The following TUT7 variants were observed in gnomAD, a reference collection of about 807,000 sequenced individuals.
TUT7 encodes terminal uridylyl transferase 7, also known as terminal uridylyltransferase 7.
In TUT7, 33 loss-of-function variants were observed where a neutral mutation model predicts 165.9. That is an observed-to-expected ratio of 0.20 (90% CI 0.15 to 0.27). The LOEUF (loss-of-function observed/expected upper bound fraction) is 0.27, where lower values mean the gene tolerates loss of function less well. Among genes scored for constraint, TUT7 ranks in the 10% least tolerant of loss-of-function variants. The pLI, the probability that TUT7 is intolerant of heterozygous loss-of-function variation, is 1.00. For synonymous variants in TUT7, 552 were observed against 608.1 expected, an observed-to-expected ratio of 0.91 and a Z score of 1.36; for missense variants, 1,338 against 1,762.3, an observed-to-expected ratio of 0.76 and a Z score of 4.31.
chr9:86,327,678 G>GA (rs1829917362), intron 11 of TUT7, among the ~76,000 whole-genome samples: 1 of 152,204 alleles, frequency 6.6e-6, no homozygotes, highest in African/African-American at 2.4e-5. Context: ...AACACAACTG[G>GA]AAAATCTGAT....
At position 86,301,282 on chromosome 9, in the gene TUT7, A is replaced by G; in HGVS notation, c.4414T>C (p.Ser1472Pro). The change falls in exon 26 of 27, where the codon TCT becomes CCT. Residue 1472 changes from serine (S) to proline (P), a missense_variant. Ser to Pro is a moderately conservative substitution (Grantham distance 74, BLOSUM62 -1). This residue lies in a region of TUT7 where 167 missense variants were observed against 204.9 expected (regional missense o/e 0.82). Coordinates refer to ENST00000375963, the MANE Select transcript of TUT7 (RefSeq NM_024617.4). Reference protein sequence around the residue: ...IKKECPQFKGSSGSLSSKYMT... With the variant: ...IKKECPQFKGPSGSLSSKYMT... Reference sequence around the variant, plus strand: ...GTGTGATAGGTGTCCATACCTGAAGAGCCTTTAAACTGTGGGCATTCCTTT... The same window carrying G: ...GTGTGATAGGTGTCCATACCTGAAGGGCCTTTAAACTGTGGGCATTCCTTT... 6.2e-7 allele frequency: 1 copy of G among 1,613,246 alleles called. No homozygotes were observed. Among genetic ancestry groups the G allele is most frequent in the Non-Finnish European group, 8.5e-7 (1 of 1,179,566 alleles).
intron 17 of TUT7, among the ~76,000 whole-genome samples, chr9:86,315,723 CAAAGA>C (rs1353780750): frequency 1.3e-5 from 2 of 150,966 alleles, no homozygotes; most frequent in Admixed American, 1.3e-4. Context: ...CTTCAATGAC[CAAAGA>C]AAAGTATATC....
chr9:86,323,789 G>T lies in TUT7; in HGVS notation c.1961C>A (p.Ser654Tyr). 1 of 1,613,902 alleles carries T rather than the reference G, an allele frequency of 6.2e-7. No homozygotes were observed. The highest frequency in any genetic ancestry group is 2.2e-5 in the East Asian group (1 of 44,884). Residue 654 changes from serine to tyrosine, a missense_variant, in exon 13 of 27, where the codon TCT becomes TAT. By Grantham distance (144) the Ser-to-Tyr change is moderately radical (BLOSUM62 -2). Coordinates refer to ENST00000375963, the MANE Select transcript of TUT7 (RefSeq NM_024617.4). Reference protein sequence around the residue: ...LNAITCISEHSKEVINHHPDV... With the variant: ...LNAITCISEHYKEVINHHPDV... ...TGGATGATGATTTATTACTTCTTTA[G>T]AATGTTCTGAAATACATGTAATTGC...
At chr9:86,334,150 C>T (rs772819779) in intron 10 of TUT7, among the ~76,000 whole-genome samples, 1 of 152,046 alleles carries the variant, frequency 6.6e-6, no homozygotes, top group African/African-American at 2.4e-5. Context: ...GAGCTAGGTA[C>T]CTCCCTTCCC....
At chr9:86,307,145 G>A (rs1366274404) in intron 22 of TUT7, among the ~76,000 whole-genome samples, 1 of 151,890 alleles carries the variant, frequency 6.6e-6, no homozygotes, top group Non-Finnish European at 1.5e-5. Flanking sequence ...TGGTGGCACG[G>A]CACCTGTAAT....
intron 26 of TUT7, 134 bp downstream of exon 26, chr9:86,301,142 T>C (rs1035759123): frequency 5.9e-6 from 5 of 844,046 alleles, no homozygotes; most frequent in East Asian, 2.7e-5. Flanking sequence ...GATTTTACTT[T>C]CTTAAAAACA....
intron 26 of TUT7, 82 bp from the exon 27 acceptor site, chr9:86,288,826 TAAG>T (rs1564015337): frequency 2.7e-6 from 3 of 1,108,620 alleles, no homozygotes; most frequent in Admixed American, 2.3e-5. Context: ...TACTTCTTAT[TAAG>T]TAGTCACAAA....
At chr9:86,293,640 C>T (rs1051156235) in intron 26 of TUT7, among the ~76,000 whole-genome samples, 1 of 152,222 alleles carries the variant, frequency 6.6e-6, no homozygotes, top group African/African-American at 2.4e-5. Flanking sequence ...ATTGGCATCA[C>T]TGTCAAAATG....
intron 17 of TUT7, 97 bp downstream of exon 17, chr9:86,317,122 G>C: frequency 2.0e-6 from 2 of 1,019,374 alleles, no homozygotes; most frequent in Non-Finnish European, 3.0e-6. Flanking sequence ...GGTGATGGGT[G>C]GGCCTGGAAC....
chr9:86,302,987 T>G, intron 25 of TUT7, 99 bp downstream of exon 25: 1 of 573,802 alleles, frequency 1.7e-6, no homozygotes, highest in Non-Finnish European at 3.1e-6. Flanking sequence ...CTGCTGGATT[T>G]TACACAAGTG....
At chr9:86,346,201 A>G (rs1188148980) in intron 3 of TUT7, 98 bp downstream of exon 3, 3 of 1,139,590 alleles carry the variant, frequency 2.6e-6, no homozygotes, top group Non-Finnish European at 3.8e-6. Flanking sequence ...TAACCAAAGT[A>G]GGATATCTAA....
rs773546306 is a variant in TUT7, at chr9:86,323,257, G to A, written c.2493C>T (p.Thr831=). The A allele has an allele frequency of 6.2e-7, 1 of 1,614,064 alleles. No individual in the cohort carries two copies. Among genetic ancestry groups the A allele is most frequent in the Middle Eastern group, 1.6e-4 (1 of 6,062 alleles). ...CTGATGTCTGGCCCTGTACTGAGTG[G>A]GTAAAGTGGTTTAGAGAGTCTTCTA... The part of the protein sequence containing the change: ...EELEDSLNHF[T]HSVQGQTSEM... The change falls in exon 13 of 27, where the codon ACC becomes ACT. Residue 831 remains threonine (T), a synonymous_variant. Coordinates refer to ENST00000375963, the MANE Select transcript of TUT7 (RefSeq NM_024617.4).
intron 14 of TUT7, among the ~76,000 whole-genome samples, chr9:86,320,084 T>C (rs1471255534): frequency 2.0e-5 from 3 of 152,116 alleles, no homozygotes; most frequent in Non-Finnish European, 2.9e-5. Context: ...AATTTAAACA[T>C]GGGATCTCCA....
chr9:86,345,101 C>T lies in TUT7; in HGVS notation c.873G>A (p.Gln291=), dbSNP rs757575568. Residue 291 remains glutamine (Q), a synonymous_variant, in exon 5 of 27, where the codon CAG becomes CAA. Coordinates refer to ENST00000375963, the MANE Select transcript of TUT7 (RefSeq NM_024617.4). ...CAATGGCAATGCCAACTGCATTTAT[C>T]TGGGAGGGTGTTGGTGGGGGTAACG... is the stretch of plus-strand genomic sequence containing the variant. ...LTTLPPPTPS[Q]INAVGIAIDK... 7.4e-6 allele frequency: 12 copies of T among 1,613,604 alleles called. No individual in the cohort carries two copies. In the African/African-American group the frequency reaches 1.6e-4, roughly 22 times the overall value.
chr9:86,317,032 T>C (rs1159838736), intron 17 of TUT7, among the ~76,000 whole-genome samples, 187 bp downstream of exon 17: 2 of 152,178 alleles, frequency 1.3e-5, no homozygotes, highest in Admixed American at 1.3e-4. Flanking sequence ...ATAGGTTATA[T>C]GTAAATACTA....
intron 17 of TUT7, among the ~76,000 whole-genome samples, chr9:86,314,118 T>G (rs962242965): frequency 6.6e-6 from 1 of 152,226 alleles, no homozygotes; most frequent in African/African-American, 2.4e-5. Context: ...TTTTTGGGAT[T>G]GCACAGCCAG....
At chr9:86,345,820 T>A (rs1195070797) in intron 3 of TUT7, 35 bp from the exon 4 acceptor site, 2 of 1,423,904 alleles carry the variant, frequency 1.4e-6, no homozygotes, top group Non-Finnish European at 2.0e-6. Flanking sequence ...GAGAGAGACA[T>A]AAGTAAAACC....
chr9:86,301,930 C>T (rs187152770), intron 25 of TUT7: 27 of 878,630 alleles, frequency 3.1e-5, no homozygotes, highest in Middle Eastern at 1.2e-3. Context: ...ATTTCTTGAA[C>T]GGCCTTTCTG....
chr9:86,350,966 C>T (rs940965878), intron 2 of TUT7, among the ~76,000 whole-genome samples: 5 of 151,790 alleles, frequency 3.3e-5, no homozygotes, highest in Non-Finnish European at 7.4e-5. Context: ...AACCCTATCT[C>T]TATTAAAAAA....
Sources: allele counts gnomAD v4.1 joint callset (sites outside exome capture counted in the v4.1 genomes callset), GRCh38; gene constraint gnomAD v4.1.1; regional missense constraint gnomAD v4.1.1; transcripts MANE v1.5; gene names NCBI Gene and HGNC (gene_info 2026-07-23, HGNC 2026-07-21).